The following ARHGEF3 variants were observed in gnomAD, a reference collection of about 807,000 sequenced individuals.
ARHGEF3 encodes 59.8 kDA protein.
Under a neutral mutation model 63.2 loss-of-function variants are expected in ARHGEF3, and 28 were observed. The observed-to-expected ratio is 0.44, with a 90% CI of 0.33 to 0.61. ARHGEF3 has a LOEUF of 0.61. ARHGEF3 is among the 20% of genes least tolerant of loss of function. The pLI, the probability that ARHGEF3 is intolerant of heterozygous loss-of-function variation, is 0.03. For missense variants in ARHGEF3, 533 were observed against 659.3 expected (o/e 0.81, Z 2.10); for synonymous variants, 266 against 254.2 (o/e 1.05, Z -0.44).
At chr3:56,893,473 C>A (rs1193116989) in intron 3 of ARHGEF3, among the ~76,000 whole-genome samples, 1 of 146,866 alleles carries the variant, frequency 6.8e-6, no homozygotes, top group East Asian at 2.5e-4. Flanking sequence ...GCCACCACGC[C>A]CAACCCCTTT....
intron 4 of ARHGEF3, among the ~76,000 whole-genome samples, chr3:56,859,421 G>A (rs2039992987): frequency 6.6e-6 from 1 of 152,108 alleles, no homozygotes; most frequent in East Asian, 1.9e-4. Flanking sequence ...TCACAGGCAG[G>A]AGCCACCGTG....
intron 1 of ARHGEF3, among the ~76,000 whole-genome samples, chr3:56,777,488 C>T (rs534099843): frequency 6.6e-6 from 1 of 152,098 alleles, no homozygotes; most frequent in Admixed American, 6.6e-5. Flanking sequence ...TTTGATATTC[C>T]TTCTCTAGGG....
At chr3:57,068,432 C>T (rs914145686) in intron 1 of ARHGEF3, among the ~76,000 whole-genome samples, 1 of 152,218 alleles carries the variant, frequency 6.6e-6, no homozygotes, top group African/African-American at 2.4e-5. Context: ...AGTCATTGCA[C>T]CTCCCTAAAT....
chr3:57,049,194 A>AC (rs1363760867), intron 1 of ARHGEF3, among the ~76,000 whole-genome samples: 2 of 152,192 alleles, frequency 1.3e-5, no homozygotes, highest in Middle Eastern at 3.4e-3. Context: ...ACATAGTGAG[A>AC]CCCCATCTCT....
chr3:57,037,612 C>T (rs1704015280), intron 1 of ARHGEF3, among the ~76,000 whole-genome samples: 1 of 152,192 alleles, frequency 6.6e-6, no homozygotes, highest in African/African-American at 2.4e-5. Context: ...CAGTGGCTCA[C>T]GCCTGTAATC....
chr3:56,935,567 G>T (rs1375253269), intron 3 of ARHGEF3, among the ~76,000 whole-genome samples: 2 of 151,970 alleles, frequency 1.3e-5, no homozygotes, highest in Non-Finnish European at 2.9e-5. Flanking sequence ...CCTGAGCCCA[G>T]CGAGACTACA....
rs1435336416 is a variant in ARHGEF3 at position 56,728,158 on chromosome 3, T to C, written c.*1112A>G. 1 of 152,616 alleles carries C rather than the reference T, an allele frequency of 6.6e-6. No homozygotes were observed. The highest frequency in any genetic ancestry group is 1.5e-5 in the Non-Finnish European group (1 of 68,032). The allele number at this position is 152,616 out of a possible 1,614,324, so 9.5% of individuals were successfully genotyped here. ...TTCTAATTAATCAGAGTTAATGAAA[T>C]TGGCCTCTGGAGAACATAATTACAA... On this transcript the variant is annotated 3_prime_UTR_variant, in exon 10 of 10. Coordinates refer to ENST00000296315, the MANE Select transcript of ARHGEF3 (RefSeq NM_019555.3).
chr3:57,041,666 G>A (rs971596856), intron 1 of ARHGEF3, among the ~76,000 whole-genome samples: 33 of 152,220 alleles, frequency 2.2e-4, no homozygotes, highest in African/African-American at 6.5e-4. Context: ...CAAAAGCTCC[G>A]TGTACTCCTT....
chr3:57,015,401 G>C (rs1002056640), intron 2 of ARHGEF3, among the ~76,000 whole-genome samples: 2 of 152,084 alleles, frequency 1.3e-5, no homozygotes, highest in Admixed American at 1.3e-4. Flanking sequence ...CCTTAGAAAG[G>C]TGTATGTGCT....
At chr3:56,817,929 C>T (rs1042467961) in intron 4 of ARHGEF3, among the ~76,000 whole-genome samples, 1 of 152,180 alleles carries the variant, frequency 6.6e-6, no homozygotes, top group African/African-American at 2.4e-5. Context: ...ATCAAGTGGC[C>T]TTGGGTTTTG....
intron 3 of ARHGEF3, among the ~76,000 whole-genome samples, chr3:56,900,784 T>C (rs2041479543): frequency 6.6e-6 from 1 of 152,250 alleles, no homozygotes; most frequent in Non-Finnish European, 1.5e-5. Context: ...ATCTTTTTCT[T>C]ACCTGATACA....
chr3:56,796,519 G>T (rs947516510), intron 1 of ARHGEF3, among the ~76,000 whole-genome samples: 10 of 152,220 alleles, frequency 6.6e-5, no homozygotes, highest in African/African-American at 2.4e-4. Flanking sequence ...CCAAATGGGG[G>T]CTTGCAAATC....
intron 3 of ARHGEF3, among the ~76,000 whole-genome samples, chr3:56,953,449 T>C (rs1699902911): frequency 6.6e-6 from 1 of 152,152 alleles, no homozygotes; most frequent in Non-Finnish European, 1.5e-5. Context: ...AGGAGTGGGC[T>C]CCATTATTTT....
intron 2 of ARHGEF3, among the ~76,000 whole-genome samples, chr3:56,771,741 T>G (rs2036018409): frequency 6.6e-6 from 1 of 152,154 alleles, no homozygotes; most frequent in Non-Finnish European, 1.5e-5. Context: ...AGGGCCTTCC[T>G]GGGCAGAGGG....
chr3:57,034,355 A>T (rs915835383), intron 2 of ARHGEF3, among the ~76,000 whole-genome samples: 2 of 150,884 alleles, frequency 1.3e-5, no homozygotes, highest in African/African-American at 4.8e-5. Flanking sequence ...GAGAAGACGG[A>T]GCTGCCAAGA....
intron 2 of ARHGEF3, among the ~76,000 whole-genome samples, chr3:56,967,674 T>A (rs1700615528): frequency 1.2e-5 from 1 of 81,806 alleles, no homozygotes; most frequent in African/African-American, 5.1e-5. Context: ...TATATAATAC[T>A]TATTATATTA....
chr3:56,919,328 G>A (rs1578843688), intron 3 of ARHGEF3, among the ~76,000 whole-genome samples: 1 of 152,338 alleles, frequency 6.6e-6, no homozygotes, highest in Non-Finnish European at 1.5e-5. Flanking sequence ...CCCTCTGGTG[G>A]TAATCCTTCC....
intron 2 of ARHGEF3, among the ~76,000 whole-genome samples, chr3:56,773,119 T>C (rs958042911): frequency 2.6e-5 from 4 of 152,166 alleles, no homozygotes; most frequent in African/African-American, 9.7e-5. Flanking sequence ...AATTATGCCA[T>C]AGTACAAAGC....
chr3:56,908,200 A>G (rs569526779), intron 3 of ARHGEF3, among the ~76,000 whole-genome samples: 1 of 152,318 alleles, frequency 6.6e-6, no homozygotes, highest in Admixed American at 6.5e-5. Flanking sequence ...GACACCAGTG[A>G]CCCCGAGCGG....
Sources: gnomAD v4.1 joint callset for allele counts (sites outside exome capture counted in the v4.1 genomes callset) on GRCh38, gnomAD v4.1.1 for gene constraint, MANE v1.5 for transcripts, NCBI Gene and HGNC (gene_info 2026-07-23, HGNC 2026-07-21) for gene names.